Variants in CTSO observed in about 807,000 individuals in gnomAD.
CTSO encodes the protein cathepsin O.
A neutral mutation model predicts 42.4 loss-of-function variants in CTSO; 40 were observed. The ratio of observed to expected loss-of-function variants is 0.94; its 90% CI spans 0.73 to 1.23. The LOEUF is 1.23. Among genes scored for constraint, CTSO ranks in the 50% most tolerant of loss-of-function variants. CTSO has a pLI of 0.00. For missense variants in CTSO, 441 were observed against 396.0 expected, an observed-to-expected ratio of 1.11 and a Z score of -0.96; for synonymous variants, 156 against 146.2, an observed-to-expected ratio of 1.07 and a Z score of -0.48.
intron 2 of CTSO, 111 bp downstream of exon 2, chr4:155,943,045 A>T: frequency 1.5e-6 from 1 of 688,444 alleles, no homozygotes; most frequent in Non-Finnish European, 2.5e-6. Flanking sequence ...TAGACACTTA[A>T]TAAATGTTAA....
chr4:155,928,272 T>C (rs2110902735), intron 7 of CTSO, 64 bp downstream of exon 7: 3 of 1,253,988 alleles, frequency 2.4e-6, no homozygotes, highest in Middle Eastern at 1.9e-4. Flanking sequence ...ATTGTAACTC[T>C]AAAATATTCA....
chr4:155,940,936 A>C (rs1377166674), intron 3 of CTSO, among the ~76,000 whole-genome samples: 4 of 152,182 alleles, frequency 2.6e-5, no homozygotes, highest in Non-Finnish European at 5.9e-5. Context: ...TTAAAAAAAA[A>C]AAAAAGTCTC....
At chr4:155,947,415 C>G (rs1743569023) in intron 1 of CTSO, among the ~76,000 whole-genome samples, 1 of 152,128 alleles carries the variant, frequency 6.6e-6, no homozygotes, top group African/African-American at 2.4e-5. Context: ...AAATGGCGCT[C>G]AAAGACCATA....
At chr4:155,952,262 T>G (rs1345250786) in intron 1 of CTSO, among the ~76,000 whole-genome samples, 1 of 152,212 alleles carries the variant, frequency 6.6e-6, no homozygotes, top group Non-Finnish European at 1.5e-5. Flanking sequence ...AAGTTACATT[T>G]TCTAGACATT....
At chr4:155,937,683 C>T (rs1393239959) in intron 4 of CTSO, among the ~76,000 whole-genome samples, 200 bp from the exon 5 acceptor site, 3 of 151,812 alleles carry the variant, frequency 2.0e-5, no homozygotes, top group Non-Finnish European at 4.4e-5. Flanking sequence ...GGCTCGATCT[C>T]GTCTCACTGC....
At chr4:155,928,931 A>G (rs1743181717) in intron 6 of CTSO, among the ~76,000 whole-genome samples, 1 of 152,172 alleles carries the variant, frequency 6.6e-6, no homozygotes, top group Admixed American at 6.5e-5. Flanking sequence ...AACTGGCCAT[A>G]AGCAAAATCT....
At chr4:155,931,954 A>G in intron 5 of CTSO, among the ~76,000 whole-genome samples, 1 of 151,908 alleles carries the variant, frequency 6.6e-6, no homozygotes, top group East Asian at 1.9e-4. Flanking sequence ...CCTGTTACTG[A>G]TGCTTCATAA....
intron 3 of CTSO, 122 bp downstream of exon 3, chr4:155,942,195 G>A (rs372629190): frequency 1.4e-5 from 10 of 737,592 alleles, no homozygotes; most frequent in African/African-American, 1.3e-4. Flanking sequence ...TGTCATTTTT[G>A]GATGACTGAG....
At chr4:155,940,842 CA>C (rs34039264) in intron 3 of CTSO, among the ~76,000 whole-genome samples, 63 of 136,030 alleles carry the variant, frequency 4.6e-4, no homozygotes, top group East Asian at 6.8e-4. Context: ...GACTCCGTCT[CA>C]AAAAAAAAAA....
intron 5 of CTSO, among the ~76,000 whole-genome samples, chr4:155,937,128 T>C (rs998823057): frequency 3.3e-5 from 5 of 152,048 alleles, no homozygotes; most frequent in African/African-American, 9.7e-5. Flanking sequence ...AATTGTACCT[T>C]ACACAGAATT....
At chr4:155,941,414 C>A (rs952045628) in intron 3 of CTSO, among the ~76,000 whole-genome samples, 1 of 152,168 alleles carries the variant, frequency 6.6e-6, no homozygotes, top group African/African-American at 2.4e-5. Flanking sequence ...TCTGCTCTTA[C>A]CACTTTCCTT....
intron 1 of CTSO, among the ~76,000 whole-genome samples, chr4:155,950,830 T>C (rs1047246180): frequency 5.3e-5 from 7 of 132,646 alleles, no homozygotes; most frequent in African/African-American, 1.9e-4. Context: ...CATTCTGAAA[T>C]CATCCGCATC....
intron 3 of CTSO, among the ~76,000 whole-genome samples, chr4:155,940,263 C>G (rs1054197766): frequency 1.3e-5 from 2 of 151,498 alleles, no homozygotes; most frequent in Non-Finnish European, 2.9e-5. Flanking sequence ...AGAGAGGAGA[C>G]AGAGGGAATG....
chr4:155,943,300 T>C (rs763689359), intron 1 of CTSO, 36 bp from the exon 2 acceptor site: 20 of 1,328,414 alleles, frequency 1.5e-5, no homozygotes, highest in African/African-American at 5.8e-5. Flanking sequence ...ATATCCACTA[T>C]GTCAGTTTTC....
chr4:155,942,530 T>C (rs1048314233), intron 2 of CTSO, 74 bp from the exon 3 acceptor site: 287 of 674,074 alleles, frequency 4.3e-4, no homozygotes, highest in Non-Finnish European at 4.3e-4. Flanking sequence ...ATCATATATA[T>C]TTGTTATATA....
chr4:155,930,901 G>T (rs1743223363), intron 5 of CTSO, among the ~76,000 whole-genome samples: 1 of 152,006 alleles, frequency 6.6e-6, no homozygotes, highest in African/African-American at 2.4e-5. Context: ...TATTAACTAA[G>T]ATTATCCTGA....
chr4:155,943,844 T>C (rs547169973), intron 1 of CTSO, among the ~76,000 whole-genome samples: 1 of 152,314 alleles, frequency 6.6e-6, no homozygotes, highest in African/African-American at 2.4e-5. Flanking sequence ...ATAGCCTGGT[T>C]TCTCTATCTG....
chr4:155,928,016 A>G (rs943066667), intron 7 of CTSO, among the ~76,000 whole-genome samples: 1 of 152,182 alleles, frequency 6.6e-6, no homozygotes, highest in Non-Finnish European at 1.5e-5. Context: ...ATTTGGAACA[A>G]GAAGACATTT....
Position 155,929,484 on chromosome 4 carries a change from C to T in CTSO, c.838+58G>A, listed in dbSNP as rs1361824730. On this transcript the variant is annotated intron_variant, in intron 6 of 7. Coordinates refer to ENST00000433477, the MANE Select transcript of CTSO (RefSeq NM_001334.3). ...TTTCAATGTTCTACAGTATGGTGAT[C>T]ATTTTGCACTCAGTGTCCATGCTGG... 5 of 1,531,558 alleles carry T rather than the reference C, an allele frequency of 3.3e-6. No homozygotes were observed. The East Asian group carries it at 1.1e-4, about 35-fold the overall frequency. 94.9% of individuals were successfully genotyped at this position (1,531,558 alleles called of 1,614,324 possible).
Sources: allele counts gnomAD v4.1 joint callset (sites outside exome capture counted in the v4.1 genomes callset), GRCh38; gene constraint gnomAD v4.1.1; transcripts MANE v1.5; gene names NCBI Gene and HGNC (gene_info 2026-07-23, HGNC 2026-07-21).